CABCOCO1: variants seen among roughly 807,000 people sequenced by gnomAD.
The protein encoded by CABCOCO1 is ciliary-associated calcium-binding coiled-coil protein 1.
Under a neutral mutation model 35.7 loss-of-function variants are expected in CABCOCO1, and 28 were observed. The observed-to-expected ratio is 0.78, with a 90% CI of 0.58 to 1.07. The LOEUF (loss-of-function observed/expected upper bound fraction) is 1.07. Ranked by LOEUF, CABCOCO1 falls within the 50% of genes least tolerant of loss-of-function variation. The probability of loss-of-function intolerance (pLI) is 0.00; values close to 1 mark genes in which losing one functional copy is unlikely to be tolerated. For missense variants in CABCOCO1, 326 were observed against 309.2 expected (o/e 1.05, Z -0.41); for synonymous variants, 95 against 100.1 (o/e 0.95, Z 0.30).
intron 4 of CABCOCO1, among the ~76,000 whole-genome samples, chr10:61,688,059 G>C (rs933917771): frequency 2.6e-5 from 4 of 152,046 alleles, no homozygotes; most frequent in African/African-American, 9.7e-5. Flanking sequence ...TAGATGCTGG[G>C]CTAAATACCT....
At chr10:61,763,334 T>C (rs933723427) in intron 7 of CABCOCO1, among the ~76,000 whole-genome samples, 5 of 152,214 alleles carry the variant, frequency 3.3e-5, no homozygotes, top group Non-Finnish European at 5.9e-5. Flanking sequence ...GTTAATTCAC[T>C]TATTTTCCCA....
At chr10:61,762,121 T>A (rs939089126) in intron 7 of CABCOCO1, among the ~76,000 whole-genome samples, 5 of 152,128 alleles carry the variant, frequency 3.3e-5, no homozygotes, top group African/African-American at 9.7e-5. Flanking sequence ...TAACATTTCA[T>A]CTAAATATAG....
intron 5 of CABCOCO1, among the ~76,000 whole-genome samples, chr10:61,718,431 G>C (rs1242593292): frequency 6.6e-6 from 1 of 152,084 alleles, no homozygotes; most frequent in Non-Finnish European, 1.5e-5. Context: ...AATTAAAATA[G>C]TTATGAATTG....
intron 5 of CABCOCO1, among the ~76,000 whole-genome samples, chr10:61,734,954 A>G (rs1446981223): frequency 6.6e-6 from 1 of 152,102 alleles, no homozygotes; most frequent in Non-Finnish European, 1.5e-5. Context: ...CCTAACCTAA[A>G]AGTAACCTTA....
chr10:61,706,763 A>G (rs530670896), intron 5 of CABCOCO1, among the ~76,000 whole-genome samples: 1 of 152,022 alleles, frequency 6.6e-6, no homozygotes, highest in South Asian at 2.1e-4. Flanking sequence ...GAGGCTGGGG[A>G]GGTTTCATTC....
At chr10:61,665,425 A>G (rs1839134943) in intron 1 of CABCOCO1, among the ~76,000 whole-genome samples, 1 of 152,234 alleles carries the variant, frequency 6.6e-6, no homozygotes, top group East Asian at 1.9e-4. Flanking sequence ...CTTTTGGCAG[A>G]TATCTGTATG....
chr10:61,685,993 A>G (rs202247748), intron 3 of CABCOCO1, 48 bp from the exon 4 acceptor site: 135 of 1,506,498 alleles, frequency 9.0e-5, no homozygotes, highest in Non-Finnish European at 1.2e-4. Flanking sequence ...CTTATTCTGA[A>G]AACATCTATC....
intron 5 of CABCOCO1, among the ~76,000 whole-genome samples, chr10:61,727,743 A>G (rs75526462): frequency 6.6e-6 from 1 of 152,218 alleles, no homozygotes; most frequent in Non-Finnish European, 1.5e-5. Flanking sequence ...GCATGACTCA[A>G]TAAAAAATAA....
At chr10:61,701,854 C>G (rs1417735388) in intron 5 of CABCOCO1, 1 of 931,412 alleles carries the variant, frequency 1.1e-6, no homozygotes, top group Non-Finnish European at 1.3e-6. Context: ...TAACTGTCTT[C>G]AAATCTAAAG....
At chr10:61,666,647 A>G (rs1360049658) in intron 1 of CABCOCO1, among the ~76,000 whole-genome samples, 1 of 151,976 alleles carries the variant, frequency 6.6e-6, no homozygotes, top group East Asian at 1.9e-4. Flanking sequence ...AATTTTTCTA[A>G]TATTTAAAGT....
At chr10:61,701,319 G>A (rs1045961415) in intron 5 of CABCOCO1, among the ~76,000 whole-genome samples, 11 of 151,920 alleles carry the variant, frequency 7.2e-5, no homozygotes, top group African/African-American at 1.7e-4. Flanking sequence ...TTATAAAAAT[G>A]TCTGTTTTAT....
intron 5 of CABCOCO1, among the ~76,000 whole-genome samples, chr10:61,710,477 T>G (rs1197682173): frequency 6.6e-6 from 1 of 151,900 alleles, no homozygotes; most frequent in South Asian, 2.1e-4. Context: ...CTTTTTAAAA[T>G]AGTGGAAATA....
intron 5 of CABCOCO1, among the ~76,000 whole-genome samples, chr10:61,744,144 G>GA (rs531421544): frequency 6.6e-6 from 1 of 152,062 alleles, no homozygotes; most frequent in South Asian, 2.1e-4. Context: ...CTTGTTTTCT[G>GA]AAAAAATATG....
chr10:61,699,103 C>T (rs1199243679), intron 5 of CABCOCO1, among the ~76,000 whole-genome samples: 1 of 152,106 alleles, frequency 6.6e-6, no homozygotes, highest in Non-Finnish European at 1.5e-5. Context: ...GTTTGACCTA[C>T]TCACATTGGG....
intron 5 of CABCOCO1, among the ~76,000 whole-genome samples, chr10:61,721,807 G>T (rs144596266): frequency 6.6e-6 from 1 of 152,144 alleles, no homozygotes; most frequent in African/African-American, 2.4e-5. Context: ...CAAATGCTAC[G>T]ACAGATTTTG....
At chr10:61,763,956 A>G (rs1323528044) in intron 7 of CABCOCO1, among the ~76,000 whole-genome samples, 2 of 152,104 alleles carry the variant, frequency 1.3e-5, no homozygotes, top group African/African-American at 4.8e-5. Context: ...GAACTAAAGT[A>G]CTAAGCCTAA....
At chr10:61,730,889 G>A (rs924767551) in intron 5 of CABCOCO1, among the ~76,000 whole-genome samples, 13 of 151,752 alleles carry the variant, frequency 8.6e-5, no homozygotes, top group African/African-American at 3.1e-4. Context: ...ATTCTAAAAG[G>A]TAACTGTTGT....
intron 1 of CABCOCO1, among the ~76,000 whole-genome samples, chr10:61,667,275 C>G (rs969268180): frequency 3.3e-5 from 5 of 149,494 alleles, no homozygotes; most frequent in Non-Finnish European, 7.4e-5. Flanking sequence ...ATATTTATCT[C>G]TACAAAATAA....
At chr10:61,762,671 A>G (rs61850529) in intron 7 of CABCOCO1, among the ~76,000 whole-genome samples, 6,461 of 152,146 alleles carry the variant, frequency 0.042, 244 homozygotes, top group African/African-American at 0.091. Flanking sequence ...CCCCTGATAA[A>G]TTGAAAAATG....
Sources: allele counts gnomAD v4.1 joint callset (sites outside exome capture counted in the v4.1 genomes callset), GRCh38; gene constraint gnomAD v4.1.1; transcripts MANE v1.5; gene names NCBI Gene and HGNC (gene_info 2026-07-23, HGNC 2026-07-21).